The following DNAH3 variants were observed in gnomAD, a reference collection of about 807,000 sequenced individuals.
DNAH3 encodes dynein axonemal heavy chain 3.
DNAH3 carries 332 observed loss-of-function variants against 432.5 expected under a neutral mutation model. The ratio of observed to expected loss-of-function variants is 0.77; its 90% CI spans 0.70 to 0.84. The LOEUF is 0.84. DNAH3 is among the 40% of genes least tolerant of loss of function. DNAH3 has a pLI of 0.00. For synonymous variants in DNAH3, 1,956 were observed against 1,900.2 expected (o/e 1.03, Z -0.76); for missense variants, 4,861 against 5,114.0 (o/e 0.95, Z 1.51).
At chr16:21,025,866 TGGGATTAC>T (rs1260569768) in intron 38 of DNAH3, among the ~76,000 whole-genome samples, 1 of 152,058 alleles carries the variant, frequency 6.6e-6, no homozygotes, top group Non-Finnish European at 1.5e-5. Flanking sequence ...CCCAAGTAGC[TGGGATTAC>T]GGGCACCCAC....
At chr16:21,045,194 G>T (rs2089638383) in intron 31 of DNAH3, among the ~76,000 whole-genome samples, 1 of 150,742 alleles carries the variant, frequency 6.6e-6, no homozygotes, top group African/African-American at 2.4e-5. Flanking sequence ...CTCATAAAAT[G>T]AGTTAGGGAG....
intron 40 of DNAH3, among the ~76,000 whole-genome samples, chr16:21,020,301 C>T (rs2088099050): frequency 7.7e-6 from 1 of 130,580 alleles, no homozygotes; most frequent in African/African-American, 3.0e-5. Flanking sequence ...GGATTACAGC[C>T]GTGAGCAATA....
intron 44 of DNAH3, among the ~76,000 whole-genome samples, chr16:20,989,788 C>T (rs995447123): frequency 1.3e-5 from 2 of 152,240 alleles, no homozygotes; most frequent in Non-Finnish European, 2.9e-5. Context: ...CCCTGCCCCG[C>T]GGCAAGGCAG....
At chr16:21,137,942 A>G (rs2092665933) in intron 5 of DNAH3, among the ~76,000 whole-genome samples, 1 of 151,986 alleles carries the variant, frequency 6.6e-6, no homozygotes, top group Admixed American at 6.6e-5. Flanking sequence ...TCTGTTTTTA[A>G]GTTTCAGATC....
intron 41 of DNAH3, among the ~76,000 whole-genome samples, chr16:21,007,195 T>C (rs576146144): frequency 9.2e-5 from 14 of 151,914 alleles, no homozygotes; most frequent in Non-Finnish European, 1.3e-4. Context: ...CATGGGCTTA[T>C]TGGCCATTTG....
At chr16:21,055,429 C>A (rs372791103) in intron 27 of DNAH3, among the ~76,000 whole-genome samples, 24 of 152,078 alleles carry the variant, frequency 1.6e-4, no homozygotes, top group Non-Finnish European at 3.1e-4. Flanking sequence ...AGAATAAAAT[C>A]GTATCAGTGT....
intron 1 of DNAH3, among the ~76,000 whole-genome samples, chr16:21,152,713 C>T (rs531030371): frequency 2.6e-4 from 39 of 152,372 alleles, no homozygotes; most frequent in African/African-American, 9.4e-4. Flanking sequence ...CCCTGCCGGC[C>T]CCGGGCAATG....
chr16:20,970,639 C>T (rs1367079642), intron 51 of DNAH3, among the ~76,000 whole-genome samples: 3 of 152,094 alleles, frequency 2.0e-5, no homozygotes, highest in Non-Finnish European at 4.4e-5. Flanking sequence ...AAAGAGCAAT[C>T]GGATTGTTTG....
chr16:20,942,224 CCT>C (rs1279402181), intron 58 of DNAH3, among the ~76,000 whole-genome samples: 4 of 152,242 alleles, frequency 2.6e-5, no homozygotes, highest in East Asian at 1.9e-4. Flanking sequence ...GCCTCTGACC[CCT>C]GAGGATTAGC....
At chr16:20,979,807 T>C (rs1409897915) in intron 49 of DNAH3, among the ~76,000 whole-genome samples, 3 of 152,198 alleles carry the variant, frequency 2.0e-5, no homozygotes, top group Non-Finnish European at 2.9e-5. Context: ...TGGAGTGCAG[T>C]GGCGCGATCT....
At chr16:20,944,123 T>C (rs1287773283) in intron 58 of DNAH3, among the ~76,000 whole-genome samples, 2 of 151,950 alleles carry the variant, frequency 1.3e-5, no homozygotes, top group Non-Finnish European at 2.9e-5. Flanking sequence ...TTTCCACTTA[T>C]GGTTCTGATG....
At chr16:20,936,942 A>G in intron 59 of DNAH3, 89 bp from the exon 60 acceptor site, 1 of 1,031,470 alleles carries the variant, frequency 9.7e-7, no homozygotes, top group Non-Finnish European at 1.4e-6. Flanking sequence ...TTAAAATGTC[A>G]GTTAATTAAT....
chr16:20,964,941 C>A, exon 53 of DNAH3: 1 of 1,614,190 alleles, frequency 6.2e-7, no homozygotes, highest in South Asian at 1.1e-5. Flanking sequence ...CAGCTTCGGT[C>A]CATCTGTCCT....
chr16:20,968,386 C>G, intron 52 of DNAH3, among the ~76,000 whole-genome samples: 1 of 152,110 alleles, frequency 6.6e-6, no homozygotes, highest in East Asian at 1.9e-4. Context: ...GAGCAGAGAT[C>G]TAACATTTCA....
intron 1 of DNAH3, among the ~76,000 whole-genome samples, chr16:21,153,857 C>T (rs1000446811): frequency 2.6e-5 from 4 of 152,200 alleles, no homozygotes; most frequent in Admixed American, 2.6e-4. Flanking sequence ...CCATTTTCCC[C>T]CTTTTTCTAC....
At chr16:21,073,964 A>G (rs2090886466) in intron 21 of DNAH3, among the ~76,000 whole-genome samples, 1 of 152,178 alleles carries the variant, frequency 6.6e-6, no homozygotes, top group African/African-American at 2.4e-5. Flanking sequence ...ATTCTTCATC[A>G]AACCTAAGCC....
intron 50 of DNAH3, among the ~76,000 whole-genome samples, chr16:20,976,752 A>G (rs1597024306): frequency 6.6e-6 from 1 of 152,340 alleles, no homozygotes; most frequent in South Asian, 2.1e-4. Context: ...TAATAAAAAG[A>G]GGAAGCCACG....
intron 48 of DNAH3, among the ~76,000 whole-genome samples, chr16:20,983,724 G>T (rs1469591726): frequency 2.0e-5 from 3 of 152,010 alleles, no homozygotes; most frequent in African/African-American, 7.2e-5. Context: ...TGTGGGTAAA[G>T]AACAGAGGCC....
exon 53 of DNAH3, chr16:20,965,398 A>C: frequency 6.5e-7 from 1 of 1,528,358 alleles, no homozygotes; most frequent in Non-Finnish European, 8.8e-7. Flanking sequence ...CTTTTTGGAT[A>C]CCCCCCAGTA....
Sources: allele counts gnomAD v4.1 joint callset (sites outside exome capture counted in the v4.1 genomes callset), GRCh38; gene constraint gnomAD v4.1.1; transcripts MANE v1.5; gene names NCBI Gene and HGNC (gene_info 2026-07-23, HGNC 2026-07-21).